The following RTL4 variants were observed in gnomAD, a reference collection of about 807,000 sequenced individuals.
RTL4 encodes retrotransposon Gag like 4.
In RTL4, 4 loss-of-function variants were observed where a neutral mutation model predicts 5.3. That is an observed-to-expected ratio of 0.75 (90% CI 0.37 to 1.72). RTL4 has a LOEUF of 1.72. Among genes scored for constraint, RTL4 ranks in the 40% most tolerant of loss-of-function variants. The pLI is 0.04. For synonymous variants in RTL4, 98 were observed against 87.3 expected (o/e 1.12, Z -0.68); for missense variants, 260 against 227.1 (o/e 1.14, Z -0.93).
the RTL4 span, among the ~76,000 whole-genome samples, chrX:112,178,638 T>C: frequency 7.1e-5 from 8 of 111,948 alleles, no homozygotes. Context: ...ATCTCTTCTG[T>C]TTTATTGTCA....
the RTL4 span, among the ~76,000 whole-genome samples, chrX:112,319,160 A>G: frequency 8.9e-6 from 1 of 112,051 alleles, no homozygotes; most frequent in Admixed American, 9.5e-5. Context: ...AGTTTATTAT[A>G]AAGATACTTG....
chrX:112,363,707 T>A, the RTL4 span, among the ~76,000 whole-genome samples: 1 of 111,533 alleles, frequency 9.0e-6, no homozygotes, highest in Non-Finnish European at 1.9e-5. Context: ...TTGCTGCTAT[T>A]TTTTAAAAAT....
At chrX:112,215,376 T>A in the RTL4 span, among the ~76,000 whole-genome samples, 4 of 112,197 alleles carry the variant, frequency 3.6e-5, no homozygotes, top group African/African-American at 1.3e-4. Context: ...TGTTGACAAT[T>A]TGCATATCTT....
the RTL4 span, among the ~76,000 whole-genome samples, chrX:112,324,925 G>C: frequency 1.8e-5 from 2 of 111,100 alleles, no homozygotes; most frequent in Non-Finnish European, 3.8e-5. Flanking sequence ...CTGTCTAGTG[G>C]TTCTATCCAT....
At chrX:112,127,663 T>C in the RTL4 span, among the ~76,000 whole-genome samples, 8 of 111,931 alleles carry the variant, frequency 7.1e-5, no homozygotes, top group South Asian at 7.4e-4. Context: ...ATTGTATATA[T>C]AGAAAATCTC....
the RTL4 span, among the ~76,000 whole-genome samples, chrX:112,246,102 G>A: frequency 2.7e-5 from 3 of 111,828 alleles, no homozygotes; most frequent in Non-Finnish European, 5.6e-5. Flanking sequence ...TTGTGTCAGA[G>A]GGCACCTGGC....
chrX:112,281,067 A>G, the RTL4 span, among the ~76,000 whole-genome samples: 2 of 111,184 alleles, frequency 1.8e-5, no homozygotes, highest in Non-Finnish European at 3.8e-5. Context: ...AACTATTGTC[A>G]CTGTATTTTT....
At chrX:112,443,364 G>A in the RTL4 span, among the ~76,000 whole-genome samples, 1,157 of 111,395 alleles carry the variant, frequency 0.01, 5 homozygotes, top group Middle Eastern at 0.023. Context: ...TCCAATTCTT[G>A]GCTATTGTGA....
the RTL4 span, among the ~76,000 whole-genome samples, chrX:112,143,948 A>C: frequency 8.9e-6 from 1 of 112,716 alleles, no homozygotes; most frequent in South Asian, 3.7e-4. Flanking sequence ...ACATGTTTTG[A>C]TAATGCATAC....
the RTL4 span, among the ~76,000 whole-genome samples, chrX:112,266,002 G>T: frequency 9.0e-6 from 1 of 110,533 alleles, no homozygotes; most frequent in East Asian, 2.9e-4. Flanking sequence ...TCTTCAGTTT[G>T]ACGGGAGTGT....
At chrX:112,097,357 C>G in the RTL4 span, among the ~76,000 whole-genome samples, 7 of 111,084 alleles carry the variant, frequency 6.3e-5, no homozygotes, top group African/African-American at 2.3e-4. Context: ...AGAAACAGGC[C>G]AGGCATGGTG....
the RTL4 span, among the ~76,000 whole-genome samples, chrX:112,308,280 C>T: frequency 9.0e-6 from 1 of 111,023 alleles, no homozygotes; most frequent in East Asian, 2.8e-4. Context: ...CACCTCCCAC[C>T]CTGAGACAAA....
the RTL4 span, among the ~76,000 whole-genome samples, chrX:112,093,933 A>C: frequency 9.0e-6 from 1 of 111,697 alleles, no homozygotes; most frequent in Admixed American, 9.5e-5. Flanking sequence ...AATAATAGTC[A>C]GGGGCTGTTA....
the RTL4 span, among the ~76,000 whole-genome samples, chrX:112,327,015 T>C: frequency 9.0e-6 from 1 of 111,542 alleles, no homozygotes. Context: ...CACATCACCA[T>C]CATCAAAGAC....
the RTL4 span, among the ~76,000 whole-genome samples, chrX:112,133,965 A>G: frequency 8.9e-6 from 1 of 112,159 alleles, no homozygotes; most frequent in East Asian, 2.8e-4. Context: ...TAATATAACT[A>G]GACTATTAAG....
chrX:112,409,178 T>A, the RTL4 span, among the ~76,000 whole-genome samples: 1 of 112,209 alleles, frequency 8.9e-6, no homozygotes, highest in Admixed American at 9.4e-5. Flanking sequence ...GTAGAAAGAC[T>A]AAACCAGGAA....
chrX:112,270,563 T>G, the RTL4 span, among the ~76,000 whole-genome samples: 1 of 111,547 alleles, frequency 9.0e-6, no homozygotes, highest in Non-Finnish European at 1.9e-5. Context: ...ATGTGGACCT[T>G]GGGGCAATGG....
the RTL4 span, among the ~76,000 whole-genome samples, chrX:112,127,520 G>A: frequency 0.012 from 1,389 of 111,764 alleles, 23 homozygotes; most frequent in African/African-American, 0.042. Context: ...GATCAGTAAC[G>A]GGGGTGTTTG....
In RTL4 at chrX:112,455,471, C is replaced by T. The variant is rs767465850; in HGVS notation, c.743C>T (p.Thr248Ile). The T allele has an allele frequency of 3.3e-6, 4 of 1,211,274 alleles. No individual in the cohort carries two copies. In the Middle Eastern group the frequency reaches 6.9e-4, roughly 209 times the overall value. Residue 248 changes from threonine (T) to isoleucine (I), a missense_variant, in exon 1 of 1, where the codon ACA becomes ATA. Transcript: ENST00000340433. ...CAACACCAAGCCCTCTTTAGCCCCA[C>T]AGATCCACCACCCAAGAAAGGGCCT...
Sources: allele counts gnomAD v4.1 joint callset (sites outside exome capture counted in the v4.1 genomes callset), GRCh38; gene constraint gnomAD v4.1.1; transcripts MANE v1.5; gene names NCBI Gene and HGNC (gene_info 2026-07-23, HGNC 2026-07-21).